The following HSP90AA1 variants were observed in gnomAD, a reference collection of about 807,000 sequenced individuals.
HSP90AA1 encodes heat shock protein 90 alpha family class A member 1.
HSP90AA1 carries 18 observed loss-of-function variants against 73.3 expected under a neutral mutation model. The ratio of observed to expected loss-of-function variants is 0.25; its 90% confidence interval spans 0.17 to 0.36. The LOEUF is 0.36. HSP90AA1 is among the 10% of genes least tolerant of loss of function. HSP90AA1 has a pLI of 1.00. For synonymous variants in HSP90AA1, 477 were observed against 296.9 expected, an observed-to-expected ratio of 1.61 and a Z score of -6.24; for missense variants, 704 against 874.2, an observed-to-expected ratio of 0.81 and a Z score of 2.45.
Position 102,081,400 on chromosome 14 carries a change from A to G in HSP90AA1, c.*312T>C, listed in dbSNP as rs1465763962. 1 of 468,044 alleles carries G rather than the reference A, an allele frequency of 2.1e-6. No homozygotes were observed. The highest frequency in any genetic ancestry group is 1.9e-5 in the African/African-American group (1 of 51,592). 29.0% of individuals were successfully genotyped at this position (468,044 alleles called of 1,614,324 possible). ...TTCAATAACAAGATTTGGTCTACTT[A>G]GGCATCCGGCTTGACAGCTAAACAC... On this transcript the variant is annotated 3_prime_UTR_variant, in exon 11 of 11. Transcript: ENST00000216281.
chr14:102,125,122 G>A (rs1455391809), intron 1 of HSP90AA1, among the ~76,000 whole-genome samples: 1 of 152,108 alleles, frequency 6.6e-6, no homozygotes, highest in Non-Finnish European at 1.5e-5. Context: ...CTCCCAAGTA[G>A]CTGGGACTAT....
chr14:102,083,803 T>C lies in HSP90AA1; in HGVS notation c.1328A>G (p.Lys443Arg). The C allele has an allele frequency of 6.2e-7, 1 of 1,613,178 alleles. No individual in the cohort carries two copies. The highest frequency in any genetic ancestry group is 8.5e-7 in the Non-Finnish European group (1 of 1,179,560). Reference protein sequence around the residue: ...NYKKFYEQFSKNIKLGIHEDS... With the variant: ...NYKKFYEQFSRNIKLGIHEDS... ...GTTATTTACACCAACCTTTATGTTTTTAGAGAACTGCTCATAGAATTTCTT... is the reference window on the plus strand; with the variant it reads ...GTTATTTACACCAACCTTTATGTTTCTAGAGAACTGCTCATAGAATTTCTT... The change falls in exon 7 of 11, where the codon AAA (lysine) becomes AGA (arginine). Residue 443 changes from lysine (K) to arginine (R), a missense_variant. Transcript: ENST00000216281.
chr14:102,089,260 T>A (rs2049320393), upstream of HSP90AA1, among the ~76,000 whole-genome samples: 1 of 152,112 alleles, frequency 6.6e-6, no homozygotes, highest in Non-Finnish European at 1.5e-5. Flanking sequence ...GGGACCTTCA[T>A]TTACCCCCAT....
exon 1 of HSP90AA1, chr14:102,139,566 G>T: frequency 1.3e-6 from 1 of 774,506 alleles, no homozygotes; most frequent in Non-Finnish European, 2.0e-6. Context: ...CACCAGCCCC[G>T]CCGCGGTTCC....
intron 1 of HSP90AA1, among the ~76,000 whole-genome samples, chr14:102,114,380 A>T (rs1316584449): frequency 6.6e-6 from 1 of 152,198 alleles, no homozygotes; most frequent in Non-Finnish European, 1.5e-5. Context: ...CTTATGACTA[A>T]GAGTAGAGGA....
rs1050207694 is a variant in HSP90AA1 at position 102,084,938 on chromosome 14, C to G, written c.724G>C (p.Glu242Gln). Residue 242 changes from glutamate to glutamine, a missense_variant, in exon 5 of 11, where the codon GAA becomes CAA. Glu to Gln is a conservative substitution (Grantham distance 29, BLOSUM62 2). Coordinates refer to ENST00000216281, the MANE Select transcript of HSP90AA1 (RefSeq NM_005348.4). ...TTCTCTTCTTTTTCTTTTTCTTCTTCTTTGTCTTCCTTTTCTTCAGCCTCA... is the reference window on the plus strand; with the variant it reads ...TTCTCTTCTTTTTCTTTTTCTTCTTGTTTGTCTTCCTTTTCTTCAGCCTCA... ...DDEAEEKEDK[E>Q]EEKEKEEKES... The G allele has an allele frequency of 6.3e-7, 1 of 1,597,004 alleles. No individual in the cohort carries two copies. The highest frequency in any genetic ancestry group is 8.6e-7 in the Non-Finnish European group (1 of 1,164,788).
At chr14:102,093,035 G>A (rs918503841) in intron 2 of HSP90AA1, among the ~76,000 whole-genome samples, 33 of 152,020 alleles carry the variant, frequency 2.2e-4, no homozygotes, top group African/African-American at 7.2e-4. Flanking sequence ...GTGAACCACC[G>A]CGCCCAGCCA....
intron 9 of HSP90AA1, 129 bp from the exon 10 acceptor site, chr14:102,082,573 T>C: frequency 1.4e-6 from 1 of 739,068 alleles, no homozygotes; most frequent in Admixed American, 2.2e-5. Context: ...ACAACTTAAA[T>C]GTCGCATTAG....
chr14:102,124,534 GTTTC>G (rs1162862590), intron 1 of HSP90AA1, among the ~76,000 whole-genome samples: 1 of 151,634 alleles, frequency 6.6e-6, no homozygotes, highest in Non-Finnish European at 1.5e-5. Context: ...ATTGTCTATT[GTTTC>G]TTTTTTTCTT....
chr14:102,139,715 G>A, upstream of HSP90AA1: 1 of 753,414 alleles, frequency 1.3e-6, no homozygotes, highest in Non-Finnish European at 2.1e-6. Context: ...CGCCCAGTCG[G>A]GTGGAGCACG....
intron 1 of HSP90AA1, among the ~76,000 whole-genome samples, chr14:102,120,996 CAT>C (rs1340884126): frequency 5.5e-5 from 8 of 144,640 alleles, no homozygotes; most frequent in African/African-American, 1.9e-4. Flanking sequence ...TAATCTGCAA[CAT>C]ACACACACAC....
In HSP90AA1 at chr14:102,085,916, G is replaced by A. The variant is rs2152612968; in HGVS notation, c.371C>T (p.Ala124Val). The change falls in exon 3 of 11, where the codon GCT (alanine) becomes GTT (valine). Residue 124 changes from alanine (A) to valine (V), a missense_variant. Coordinates refer to ENST00000216281, the MANE Select transcript of HSP90AA1 (RefSeq NM_005348.4). ...GTKAFMEALQ[A>V]GADISMIGQF... ...GCCAATCATAGAGATATCTGCACCAGCCTGCAAAGCTTCCATGAACGCTTT... is the reference window on the plus strand; with the variant it reads ...GCCAATCATAGAGATATCTGCACCAACCTGCAAAGCTTCCATGAACGCTTT... 1 of 1,613,936 alleles carries A rather than the reference G, an allele frequency of 6.2e-7. No individual in the cohort carries two copies. Among genetic ancestry groups the A allele is most frequent in the Non-Finnish European group, 8.5e-7 (1 of 1,179,862 alleles).
chr14:102,098,484 T>A (rs28532599), intron 2 of HSP90AA1, among the ~76,000 whole-genome samples: 1 of 37,846 alleles, frequency 2.6e-5, no homozygotes, highest in Non-Finnish European at 6.2e-5. Context: ...TTTTTTTTTG[T>A]GACAAAGTCT....
Position 102,081,690 on chromosome 14 carries a change from T to G in HSP90AA1, c.*22A>C. On this transcript the variant is annotated 3_prime_UTR_variant, in exon 11 of 11. Coordinates refer to ENST00000216281, the MANE Select transcript of HSP90AA1 (RefSeq NM_005348.4). Reference sequence around the variant, plus strand: ...GAGGAATTGTAGAGTACTGAACAGGTAAGTCATCCCTCAGCCAGAGATTAG... The same window carrying G: ...GAGGAATTGTAGAGTACTGAACAGGGAAGTCATCCCTCAGCCAGAGATTAG... The G allele has an allele frequency of 1.1e-6, 1 of 949,936 alleles. No homozygotes were observed. Among genetic ancestry groups the G allele is most frequent in the Non-Finnish European group, 1.7e-6 (1 of 572,932 alleles). The allele number at this position is 949,936 out of a possible 1,614,324, so 58.8% of individuals were successfully genotyped here.
intron 10 of HSP90AA1, 83 bp downstream of exon 10, chr14:102,082,028 G>A (rs981746051): frequency 5.9e-6 from 6 of 1,010,788 alleles, no homozygotes; most frequent in African/African-American, 3.2e-5. Context: ...GGTGCTCCAA[G>A]TTTGGATAAC....
At chr14:102,084,156 G>A in intron 6 of HSP90AA1, 173 bp from the exon 7 acceptor site, 1 of 704,568 alleles carries the variant, frequency 1.4e-6, no homozygotes, top group Non-Finnish European at 2.5e-6. Context: ...TGCAACCTCT[G>A]CCTCCCGGGG....
rs548820638 is a variant in HSP90AA1, at chr14:102,107,611, C to T, written c.156-5526G>A. On this transcript the variant is annotated intron_variant, in intron 1 of 11. Transcript: ENST00000334701. ...GTGCTGGGATTATAGGCATGAGCCACCACTCCTAGCCTAGCCCCTGGTTTT... is the reference window on the plus strand; with the variant it reads ...GTGCTGGGATTATAGGCATGAGCCATCACTCCTAGCCTAGCCCCTGGTTTT... 3.3e-5 allele frequency among the ~76,000 whole-genome samples: 5 copies of T among 152,182 alleles called. No homozygotes were observed. The South Asian group carries it at 8.3e-4, about 25-fold the overall frequency.
intron 2 of HSP90AA1, among the ~76,000 whole-genome samples, chr14:102,094,873 T>C (rs1479310585): frequency 6.6e-6 from 1 of 152,120 alleles, no homozygotes; most frequent in Non-Finnish European, 1.5e-5. Context: ...ACGCTTCCAA[T>C]GAGACCTGAG....
chr14:102,118,316 A>G (rs1236549588), intron 1 of HSP90AA1, among the ~76,000 whole-genome samples: 1 of 152,206 alleles, frequency 6.6e-6, no homozygotes, highest in Non-Finnish European at 1.5e-5. Flanking sequence ...TAATGTGATC[A>G]CGATTTATTT....
Sources: gnomAD v4.1 joint callset for allele counts (sites outside exome capture counted in the v4.1 genomes callset) on GRCh38, gnomAD v4.1.1 for gene constraint, MANE v1.5 for transcripts, NCBI Gene and HGNC (gene_info 2026-07-23, HGNC 2026-07-21) for gene names.